CCDC175: variants seen among roughly 807,000 people sequenced by gnomAD.
CCDC175 encodes the protein coiled-coil domain-containing protein 175.
A neutral mutation model predicts 114.6 loss-of-function variants in CCDC175; 100 were observed. The observed-to-expected ratio is 0.87, with a 90% CI of 0.74 to 1.03. The LOEUF is 1.03. Among genes scored for constraint, CCDC175 ranks in the 50% least tolerant of loss-of-function variants. The pLI is 0.00. For synonymous variants in CCDC175, 306 were observed against 308.7 expected, an observed-to-expected ratio of 0.99 and a Z score of 0.09; for missense variants, 880 against 917.8, an observed-to-expected ratio of 0.96 and a Z score of 0.53.
rs771805510 is a variant in CCDC175, at chr14:59,527,187, AG to A, written c.1763-14del. On this transcript the variant is annotated splice_polypyrimidine_tract_variant and intron_variant, in intron 14 of 19. Transcript: ENST00000537690. The stretch of plus-strand genomic sequence containing the variant: ...TCCTGTCTTTGTGCTATTAAAACAA[AG>A]AAAAAAATAACTACCTCAAAAATTT... 9.3e-5 allele frequency: 128 copies of A among 1,379,898 alleles called. No homozygotes were observed. The highest frequency in any genetic ancestry group is 1.1e-4 in the Non-Finnish European group (115 of 1,042,166). 85.5% of individuals were successfully genotyped at this position (1,379,898 alleles called of 1,614,324 possible).
intron 8 of CCDC175, among the ~76,000 whole-genome samples, chr14:59,547,253 A>G (rs1052150788): frequency 6.6e-6 from 1 of 152,206 alleles, no homozygotes; most frequent in Non-Finnish European, 1.5e-5. Flanking sequence ...AACAAAAGAC[A>G]TATGCCATGT....
rs1037882311 is a variant in CCDC175 at position 59,528,408 on chromosome 14, T to C, written c.1763-1234A>G. 2.0e-5 allele frequency among the ~76,000 whole-genome samples: 3 copies of C among 150,278 alleles called. No homozygotes were observed. In the Admixed American group the frequency reaches 2.0e-4, roughly 10 times the overall value. ...ATTCTCTAGTTATAAGAAATATTTTTGTATTATTTCTTTGATAATTTTATT... is the reference window on the plus strand; with the variant it reads ...ATTCTCTAGTTATAAGAAATATTTTCGTATTATTTCTTTGATAATTTTATT... On this transcript the variant is annotated intron_variant, in intron 14 of 19. Coordinates refer to ENST00000537690, the MANE Select transcript of CCDC175 (RefSeq NM_001164399.2).
rs1274387061 is a variant in CCDC175 at position 59,552,394 on chromosome 14, T to G, written c.954-958A>C. Reference sequence around the variant, plus strand: ...GACCTCCAGCAAACTCCAACAGACCTGCAGCTGAGGGTCCTGACTGTTAGA... The same window carrying G: ...GACCTCCAGCAAACTCCAACAGACCGGCAGCTGAGGGTCCTGACTGTTAGA... On this transcript the variant is annotated intron_variant, in intron 7 of 19. Transcript: ENST00000537690. 2.6e-5 allele frequency among the ~76,000 whole-genome samples: 4 copies of G among 152,330 alleles called. No individual in the cohort carries two copies. The East Asian group carries it at 7.7e-4, about 29-fold the overall frequency.
In CCDC175 at chr14:59,518,261, G is replaced by A. The variant is rs925186564; in HGVS notation, c.2098+3313C>T. On this transcript the variant is annotated intron_variant, in intron 17 of 19. Coordinates refer to ENST00000537690, the MANE Select transcript of CCDC175 (RefSeq NM_001164399.2). ...AATACCATTCAGGACATAGGCATGG[G>A]CAAGGACTTCATGTCTAAAACACCA... Among the ~76,000 whole-genome samples, 12 of 152,222 alleles carry A rather than the reference G, an allele frequency of 7.9e-5. No homozygotes were observed. The South Asian group carries it at 1.2e-3, about 16-fold the overall frequency.
chr14:59,568,367 G>C lies in CCDC175; in HGVS notation c.369C>G (p.Asp123Glu). 1 of 1,516,256 alleles carries C rather than the reference G, an allele frequency of 6.6e-7. No individual in the cohort carries two copies. Among genetic ancestry groups the C allele is most frequent in the African/African-American group, 1.4e-5 (1 of 71,540 alleles). 93.9% of individuals were successfully genotyped at this position (1,516,256 alleles called of 1,614,324 possible). The change falls in exon 4 of 20, where the codon GAC becomes GAG. Residue 123 changes from aspartate (D) to glutamate (E), a missense_variant. Transcript: ENST00000537690. ...IKRELEECVR[D>E]ARRLNLFEIN... is the part of the protein sequence containing the mutation. Reference sequence around the variant, plus strand: ...TCTCAAAAAGATTTAATCTGCGAGCGTCTCGGACACATTCTTCAAAGTAAG... The same window carrying C: ...TCTCAAAAAGATTTAATCTGCGAGCCTCTCGGACACATTCTTCAAAGTAAG...
intron 19 of CCDC175, among the ~76,000 whole-genome samples, chr14:59,508,099 C>T (rs1594967963): frequency 2.0e-5 from 3 of 151,978 alleles, no homozygotes; most frequent in East Asian, 3.9e-4. Context: ...AAGCTGCTGG[C>T]GGACAATCAC....
intron 11 of CCDC175, among the ~76,000 whole-genome samples, chr14:59,540,066 G>A (rs1241555910): frequency 1.3e-5 from 2 of 152,074 alleles, no homozygotes; most frequent in Non-Finnish European, 2.9e-5. Context: ...GCAAGACTCT[G>A]TCTCAAAATA....
chr14:59,541,909 A>G (rs1225307745), intron 10 of CCDC175, among the ~76,000 whole-genome samples: 1 of 152,206 alleles, frequency 6.6e-6, no homozygotes, highest in Non-Finnish European at 1.5e-5. Context: ...AGTAGTTCGT[A>G]GTTTTCCTTA....
intron 17 of CCDC175, among the ~76,000 whole-genome samples, chr14:59,515,113 T>C (rs1305481630): frequency 6.6e-6 from 1 of 152,038 alleles, no homozygotes; most frequent in East Asian, 1.9e-4. Flanking sequence ...GACAAGCAAA[T>C]GATGAGAGAT....
intron 1 of CCDC175, among the ~76,000 whole-genome samples, chr14:59,575,686 T>A (rs1897077049): frequency 6.6e-6 from 1 of 152,148 alleles, no homozygotes; most frequent in Non-Finnish European, 1.5e-5. Context: ...ATTTTTGTAT[T>A]TTTAGTAGAG....
intron 7 of CCDC175, among the ~76,000 whole-genome samples, chr14:59,553,629 G>A (rs1173813726): frequency 6.6e-6 from 1 of 152,160 alleles, no homozygotes; most frequent in Non-Finnish European, 1.5e-5. Context: ...AACCTTAAAT[G>A]TAAATGGGCT....
At chr14:59,507,093 A>G (rs1892467468) in intron 19 of CCDC175, among the ~76,000 whole-genome samples, 1 of 152,228 alleles carries the variant, frequency 6.6e-6, no homozygotes, top group African/African-American at 2.4e-5. Flanking sequence ...AAATTAAGGC[A>G]AAAAGTAAGT....
intron 4 of CCDC175, among the ~76,000 whole-genome samples, chr14:59,566,491 G>T (rs1487739287): frequency 1.3e-5 from 2 of 152,182 alleles, no homozygotes; most frequent in Admixed American, 6.5e-5. Flanking sequence ...ATAAAAAGAA[G>T]TCTAGGTGAG....
At chr14:59,534,730 T>C (rs1374335311) in intron 13 of CCDC175, among the ~76,000 whole-genome samples, 6 of 152,204 alleles carry the variant, frequency 3.9e-5, no homozygotes, top group African/African-American at 1.4e-4. Flanking sequence ...TGGCAAGCTC[T>C]GATAGAAGAT....
intron 7 of CCDC175, among the ~76,000 whole-genome samples, chr14:59,553,662 A>G (rs1436998794): frequency 6.6e-6 from 1 of 152,240 alleles, no homozygotes; most frequent in Admixed American, 6.5e-5. Flanking sequence ...TAAAAGACAC[A>G]GACTGGCAAA....
chr14:59,565,313 G>A, intron 4 of CCDC175, 38 bp from the exon 5 acceptor site: 1 of 1,484,566 alleles, frequency 6.7e-7, no homozygotes, highest in African/African-American at 1.4e-5. Context: ...GAGAAGCACA[G>A]CTCCTAAGAA....
chr14:59,542,734 C>G (rs897457667), intron 10 of CCDC175, among the ~76,000 whole-genome samples: 5 of 152,034 alleles, frequency 3.3e-5, no homozygotes, highest in African/African-American at 1.2e-4. Context: ...ACAAAGAATT[C>G]CCATATATCC....
At chr14:59,567,285 T>C (rs1050873141) in intron 4 of CCDC175, among the ~76,000 whole-genome samples, 2 of 152,214 alleles carry the variant, frequency 1.3e-5, no homozygotes, top group Non-Finnish European at 1.5e-5. Flanking sequence ...CTCAAACTTA[T>C]GTAATCATGA....
At position 59,563,865 on chromosome 14, in the gene CCDC175, G is replaced by C; in HGVS notation, c.721-6C>G. ...GTATTTTCAAATTCATTAATCTATA[G>C]TGACAAGCATAAGAAACCAATTTAA... is the stretch of plus-strand genomic sequence containing the variant. On this transcript the variant is annotated splice_region_variant and splice_polypyrimidine_tract_variant and intron_variant, in intron 5 of 19. Transcript: ENST00000537690. 6 of 1,398,352 alleles carry C rather than the reference G, an allele frequency of 4.3e-6. No individual in the cohort carries two copies. The highest frequency in any genetic ancestry group is 5.5e-6 in the Non-Finnish European group (6 of 1,082,138). 86.6% of individuals were successfully genotyped at this position (1,398,352 alleles called of 1,614,324 possible).
Sources: gnomAD v4.1 joint callset for allele counts (sites outside exome capture counted in the v4.1 genomes callset) on GRCh38, gnomAD v4.1.1 for gene constraint, MANE v1.5 for transcripts, NCBI Gene and HGNC (gene_info 2026-07-23, HGNC 2026-07-21) for gene names.